Variants in ARHGAP5 observed in about 807,000 individuals in gnomAD.
ARHGAP5 encodes rho GTPase-activating protein 5.
ARHGAP5 carries 23 observed loss-of-function variants against 116.6 expected under a neutral mutation model. The observed-to-expected ratio is 0.20, with a 90% confidence interval of 0.14 to 0.28. The LOEUF (loss-of-function observed/expected upper bound fraction) is 0.28, where lower values mean the gene tolerates loss of function less well. ARHGAP5 is among the 10% of genes least tolerant of loss of function. The pLI is 1.00. For synonymous variants in ARHGAP5, 574 were observed against 602.0 expected, an observed-to-expected ratio of 0.95 and a Z score of 0.68; for missense variants, 1,405 against 1,774.8, an observed-to-expected ratio of 0.79 and a Z score of 3.74.
intron 3 of ARHGAP5, among the ~76,000 whole-genome samples, chr14:32,132,661 A>T (rs1880566972): frequency 6.6e-6 from 1 of 152,204 alleles, no homozygotes. Context: ...GTCCTTGTCC[A>T]TGCCTATGTC....
At chr14:32,142,094 C>T (rs941012731) in intron 3 of ARHGAP5, among the ~76,000 whole-genome samples, 2 of 151,986 alleles carry the variant, frequency 1.3e-5, no homozygotes, top group Non-Finnish European at 2.9e-5. Flanking sequence ...TTCTTTTTAG[C>T]GTCTTTTTAT....
chr14:32,127,995 C>T (rs558172801), intron 3 of ARHGAP5, among the ~76,000 whole-genome samples: 2 of 151,624 alleles, frequency 1.3e-5, no homozygotes, highest in Admixed American at 6.6e-5. Flanking sequence ...AGGCGCTCCT[C>T]ACCTCCCAGA....
intron 3 of ARHGAP5, among the ~76,000 whole-genome samples, chr14:32,135,825 T>A (rs993995366): frequency 6.6e-6 from 1 of 152,256 alleles, no homozygotes; most frequent in African/African-American, 2.4e-5. Flanking sequence ...TCCAGTATAG[T>A]GAGCATAGTG....
At chr14:32,139,969 A>C (rs923485498) in intron 3 of ARHGAP5, among the ~76,000 whole-genome samples, 2 of 150,598 alleles carry the variant, frequency 1.3e-5, no homozygotes, top group Non-Finnish European at 3.0e-5. Context: ...CATTGCTAAC[A>C]ATAGGATAAT....
chr14:32,100,097 C>CATTG (rs747409519), intron 2 of ARHGAP5, among the ~76,000 whole-genome samples: 5 of 152,190 alleles, frequency 3.3e-5, no homozygotes, highest in Non-Finnish European at 5.9e-5. Context: ...CTTTATTGTA[C>CATTG]ATTGTGCCCT....
In ARHGAP5 at chr14:32,092,269, C is replaced by T; in HGVS notation, c.1600C>T (p.Leu534Phe). ...ACCTAGATATAAAGCTTTACAGAAACTTGCACCTGATAGGGAATCCCTTCT... is the reference window on the plus strand; with the variant it reads ...ACCTAGATATAAAGCTTTACAGAAATTTGCACCTGATAGGGAATCCCTTCT... Reference protein sequence around the residue: ...EEPRYKALQKLAPDRESLLLK... With the variant: ...EEPRYKALQKFAPDRESLLLK... The change falls in exon 2 of 7, where the codon CTT becomes TTT. Residue 534 changes from leucine to phenylalanine, a missense_variant. Leu to Phe is a conservative substitution (Grantham distance 22, BLOSUM62 0). Around this residue, in one of 6 missense-constraint regions of ARHGAP5, gnomAD observed 944 missense variants for 1,095.3 expected, o/e 0.86. Coordinates refer to ENST00000345122, the MANE Select transcript of ARHGAP5 (RefSeq NM_001030055.2). The surrounding 1 kb of genome is among the most constrained non-coding windows in gnomAD (Gnocchi z 4.1). 1 of 1,613,578 alleles carries T rather than the reference C, an allele frequency of 6.2e-7. No homozygotes were observed.
intron 1 of ARHGAP5, among the ~76,000 whole-genome samples, chr14:32,078,485 T>A (rs2041737003): frequency 6.6e-6 from 1 of 152,248 alleles, no homozygotes; most frequent in African/African-American, 2.4e-5. Flanking sequence ...GTTTAAATTC[T>A]TATCGATCAT....
chr14:32,111,120 G>C (rs1258629505), intron 2 of ARHGAP5, among the ~76,000 whole-genome samples: 1 of 152,184 alleles, frequency 6.6e-6, no homozygotes, highest in Non-Finnish European at 1.5e-5. Context: ...AAGACAATCA[G>C]AGCCTGGGGC....
chr14:32,098,229 A>T (rs942583149), intron 2 of ARHGAP5, among the ~76,000 whole-genome samples: 2 of 152,184 alleles, frequency 1.3e-5, no homozygotes, highest in African/African-American at 4.8e-5. Flanking sequence ...AAACTTCAAG[A>T]CAGTGTGTTA....
At chr14:32,087,025 A>G (rs2041836271) in intron 1 of ARHGAP5, among the ~76,000 whole-genome samples, 1 of 152,146 alleles carries the variant, frequency 6.6e-6, no homozygotes, top group Admixed American at 6.5e-5. Flanking sequence ...ATGGTGCTAG[A>G]TATCATAAGA....
Position 32,077,443 on chromosome 14 carries a change from C to T in ARHGAP5, c.-169+8C>T, listed in dbSNP as rs2041716540. On this transcript the variant is annotated splice_region_variant and intron_variant, in intron 1 of 6. Coordinates refer to ENST00000345122, the MANE Select transcript of ARHGAP5 (RefSeq NM_001030055.2). ...GGAGACCGACGTTGTTAGGTAGGAC[C>T]TTGCGGACCCCGCTCCTCCAAGCCT... is the stretch of plus-strand genomic sequence containing the variant. 1 of 701,360 alleles carries T rather than the reference C, an allele frequency of 1.4e-6. No individual in the cohort carries two copies. The highest frequency in any genetic ancestry group is 2.7e-5 in the East Asian group (1 of 37,048). 43.4% of individuals were successfully genotyped at this position (701,360 alleles called of 1,614,324 possible).
At chr14:32,121,013 C>CTTTTTTT (rs56377207) in intron 3 of ARHGAP5, among the ~76,000 whole-genome samples, 1 of 104,964 alleles carries the variant, frequency 9.5e-6, no homozygotes, top group Non-Finnish European at 1.7e-5. Flanking sequence ...AGGATTATGT[C>CTTTTTTT]TTTTTTTTTT....
At chr14:32,122,840 A>G (rs1056271776) in intron 3 of ARHGAP5, among the ~76,000 whole-genome samples, 1 of 152,158 alleles carries the variant, frequency 6.6e-6, no homozygotes, top group African/African-American at 2.4e-5. Flanking sequence ...TTCTGGACTC[A>G]TATTCTATTG....
Position 32,090,510 on chromosome 14 carries a change from T to G in ARHGAP5, c.-160T>G, listed in dbSNP as rs1163652594. 1.7e-6 allele frequency: 1 copy of G among 603,942 alleles called. No individual in the cohort carries two copies. The highest frequency in any genetic ancestry group is 2.8e-6 in the Non-Finnish European group (1 of 354,840). The allele number at this position is 603,942 out of a possible 1,614,324, so 37.4% of individuals were successfully genotyped here. A position where few individuals can be genotyped will look rare whatever the true frequency, so the allele number is the denominator to read the frequency against. Reference sequence around the variant, plus strand: ...TTCTCCCCTCTCTATAGGAAGATGATCCCTATGATCTTGAAGATGTTTCTG... The same window carrying G: ...TTCTCCCCTCTCTATAGGAAGATGAGCCCTATGATCTTGAAGATGTTTCTG... On this transcript the variant is annotated 5_prime_UTR_variant, in exon 2 of 7. Transcript: ENST00000345122.
chr14:32,138,388 A>G (rs1462902842), intron 3 of ARHGAP5, among the ~76,000 whole-genome samples: 3 of 152,142 alleles, frequency 2.0e-5, no homozygotes, highest in East Asian at 1.9e-4. Context: ...GGTTCAAGCA[A>G]TTCTCTTGCC....
rs577220631 is a variant in ARHGAP5 at position 32,133,908 on chromosome 14, C to A, written c.3866-12355C>A. 2.0e-3 allele frequency among the ~76,000 whole-genome samples: 299 copies of A among 152,152 alleles called. 2 individuals carry two copies. Among genetic ancestry groups the A allele is most frequent in the African/African-American group, 6.9e-3 (287 of 41,486 alleles). ...ATTTATTGATTTGCATGTATTGAAC[C>A]AGCCTTGCATCCCAGGGATGTCCAA... On this transcript the variant is annotated intron_variant, in intron 3 of 6. Transcript: ENST00000345122.
intron 3 of ARHGAP5, among the ~76,000 whole-genome samples, chr14:32,120,529 C>G (rs1879831306): frequency 6.6e-6 from 1 of 150,990 alleles, no homozygotes; most frequent in East Asian, 1.9e-4. Context: ...AGATTTTCCT[C>G]TAAGCATTGT....
chr14:32,147,683 G>A (rs1881442013), intron 4 of ARHGAP5, among the ~76,000 whole-genome samples: 2 of 151,970 alleles, frequency 1.3e-5, no homozygotes, highest in African/African-American at 2.4e-5. Context: ...GGTGTTGGGG[G>A]GTACCACTCA....
chr14:32,144,460 T>A (rs1250839661), intron 3 of ARHGAP5, among the ~76,000 whole-genome samples: 1 of 151,766 alleles, frequency 6.6e-6, no homozygotes, highest in African/African-American at 2.4e-5. Flanking sequence ...GTTATAAAAT[T>A]TCTATTCATT....
Sources: allele counts gnomAD v4.1 joint callset (sites outside exome capture counted in the v4.1 genomes callset), GRCh38; gene constraint gnomAD v4.1.1; regional missense constraint gnomAD v4.1.1; non-coding constraint Gnocchi (gnomAD v3.1); transcripts MANE v1.5; gene names NCBI Gene and HGNC (gene_info 2026-07-23, HGNC 2026-07-21).